The following MBTD1 variants were observed in gnomAD, a reference collection of about 807,000 sequenced individuals.
MBTD1 encodes the protein MBT domain-containing protein 1.
In MBTD1, 24 loss-of-function variants were observed where a neutral mutation model predicts 87.8. The observed-to-expected ratio is 0.27, with a 90% CI of 0.20 to 0.38. The LOEUF (loss-of-function observed/expected upper bound fraction) is 0.38. Among genes scored for constraint, MBTD1 ranks in the 10% least tolerant of loss-of-function variants. The pLI is 1.00. For synonymous variants in MBTD1, 237 were observed against 248.6 expected (o/e 0.95, Z 0.44); for missense variants, 436 against 760.2 (o/e 0.57, Z 5.02).
chr17:51,255,010 C>G (rs192431059), intron 2 of MBTD1, among the ~76,000 whole-genome samples: 1 of 152,278 alleles, frequency 6.6e-6, no homozygotes, highest in African/African-American at 2.4e-5. Context: ...GGGCCAGGCG[C>G]AGTGGCTCAC....
chr17:51,213,526 G>C (rs1419272021), intron 6 of MBTD1, among the ~76,000 whole-genome samples: 1 of 151,276 alleles, frequency 6.6e-6, no homozygotes, highest in African/African-American at 2.4e-5. Flanking sequence ...CTGCTCTTAG[G>C]GGCTTAATTA....
At position 51,178,916 on chromosome 17, in the gene MBTD1, A is replaced by G. The variant is rs549860918; in HGVS notation, c.*1660T>C. 1 of 152,284 alleles carries G rather than the reference A, an allele frequency of 6.6e-6. No homozygotes were observed. Among genetic ancestry groups the G allele is most frequent in the African/African-American group, 2.4e-5 (1 of 41,568 alleles). 9.4% of individuals were successfully genotyped at this position (152,284 alleles called of 1,614,324 possible). ...CTTCCAGTAGCTATTATAAAACCTT[A>G]TGTTATTAACCCCTCTTGCATAGAA... On this transcript the variant is annotated 3_prime_UTR_variant, in exon 17 of 17. Coordinates refer to ENST00000586178, the MANE Select transcript of MBTD1 (RefSeq NM_017643.3).
At chr17:51,256,008 G>A (rs2055067062) in intron 2 of MBTD1, among the ~76,000 whole-genome samples, 2 of 152,128 alleles carry the variant, frequency 1.3e-5, no homozygotes, top group African/African-American at 2.4e-5. Flanking sequence ...GACTGCAAAC[G>A]GTGGCCAAAT....
chr17:51,244,500 C>T (rs534781340), intron 2 of MBTD1, among the ~76,000 whole-genome samples: 4 of 152,072 alleles, frequency 2.6e-5, no homozygotes, highest in African/African-American at 7.2e-5. Context: ...CTCTGCCTCC[C>T]GGGTTCAAGT....
At chr17:51,184,060 T>C (rs184809704) in intron 16 of MBTD1, 3 of 152,380 alleles carry the variant, frequency 2.0e-5, no homozygotes, top group East Asian at 3.9e-4. Context: ...TTCTGGATTA[T>C]GCTTCTAGTC....
At chr17:51,195,117 A>T in intron 13 of MBTD1, 97 bp downstream of exon 13, 2 of 1,059,640 alleles carry the variant, frequency 1.9e-6, no homozygotes, top group Non-Finnish European at 2.8e-6. Flanking sequence ...TTATATACGT[A>T]CTCAGGAAAT....
chr17:51,192,312 A>G, intron 15 of MBTD1, 32 bp from the exon 16 acceptor site: 1 of 1,433,594 alleles, frequency 7.0e-7, no homozygotes, highest in Non-Finnish European at 9.6e-7. Context: ...TTGGTACTAG[A>G]TAATTGTTTA....
chr17:51,248,850 G>A (rs2054606002), intron 2 of MBTD1, among the ~76,000 whole-genome samples: 1 of 152,216 alleles, frequency 6.6e-6, no homozygotes, highest in South Asian at 2.1e-4. Context: ...AGACGGAAGT[G>A]CAATGTCCTT....
chr17:51,228,447 C>T (rs1388846544), intron 2 of MBTD1, among the ~76,000 whole-genome samples: 1 of 149,140 alleles, frequency 6.7e-6, no homozygotes, highest in Non-Finnish European at 1.5e-5. Flanking sequence ...TTAGTGAATG[C>T]TGGTCTTATG....
Position 51,187,532 on chromosome 17 carries a change from G to T in MBTD1, c.1768+4671C>A, listed in dbSNP as rs370222527. ...AACTCTGCAAATATTGAAGAACCAG[G>T]CATAGTGCATTAATCATATTGAAAG... On this transcript the variant is annotated intron_variant, in intron 16 of 16. Coordinates refer to ENST00000586178, the MANE Select transcript of MBTD1 (RefSeq NM_017643.3). Among the ~76,000 whole-genome samples the T allele has an allele frequency of 1.4e-4, 21 of 152,106 alleles. No homozygotes were observed. The South Asian group carries it at 4.4e-3, about 32-fold the overall frequency.
At chr17:51,192,640 T>G in intron 15 of MBTD1, 142 bp downstream of exon 15, 7 of 1,428,548 alleles carry the variant, frequency 4.9e-6, no homozygotes, top group Non-Finnish European at 6.6e-6. Context: ...ATATTGTTGT[T>G]GAGTCTTAAT....
At chr17:51,182,138 T>C (rs2050340725) in intron 16 of MBTD1, among the ~76,000 whole-genome samples, 1 of 151,802 alleles carries the variant, frequency 6.6e-6, no homozygotes, top group South Asian at 2.1e-4. Flanking sequence ...TTTTTTTTTT[T>C]TTTTGAGACA....
intron 2 of MBTD1, among the ~76,000 whole-genome samples, chr17:51,244,594 G>C (rs554164285): frequency 1.3e-5 from 2 of 152,234 alleles, no homozygotes; most frequent in South Asian, 4.1e-4. Flanking sequence ...TTTTAGTAGA[G>C]GCAGGGTTTC....
intron 2 of MBTD1, among the ~76,000 whole-genome samples, chr17:51,248,963 C>A (rs1046949810): frequency 6.6e-6 from 1 of 152,106 alleles, no homozygotes; most frequent in Non-Finnish European, 1.5e-5. Flanking sequence ...AAAGAACATA[C>A]TCTCTGGCCC....
intron 6 of MBTD1, among the ~76,000 whole-genome samples, chr17:51,212,829 T>C (rs1270218696): frequency 1.3e-5 from 2 of 152,190 alleles, no homozygotes; most frequent in African/African-American, 2.4e-5. Context: ...CAATCTCAGC[T>C]CACTGCAACC....
At chr17:51,216,075 G>T (rs1010968362) in intron 6 of MBTD1, among the ~76,000 whole-genome samples, 1 of 151,824 alleles carries the variant, frequency 6.6e-6, no homozygotes, top group Non-Finnish European at 1.5e-5. Context: ...GGGACTACAG[G>T]TGCCCACCAT....
At chr17:51,216,067 G>A (rs2052553243) in intron 6 of MBTD1, among the ~76,000 whole-genome samples, 1 of 151,784 alleles carries the variant, frequency 6.6e-6, no homozygotes, top group African/African-American at 2.4e-5. Context: ...GAGTAGCTGG[G>A]ACTACAGGTG....
intron 16 of MBTD1, among the ~76,000 whole-genome samples, chr17:51,187,535 T>C (rs1361389967): frequency 6.6e-6 from 1 of 151,874 alleles, no homozygotes; most frequent in Non-Finnish European, 1.5e-5. Flanking sequence ...GAACCAGGCA[T>C]AGTGCATTAA....
intron 13 of MBTD1, among the ~76,000 whole-genome samples, chr17:51,194,082 G>T (rs1245538511): frequency 2.0e-5 from 3 of 152,204 alleles, no homozygotes; most frequent in Admixed American, 6.5e-5. Flanking sequence ...CTAGGCTTTA[G>T]AAGAGTCTAG....
Sources: allele counts gnomAD v4.1 joint callset (sites outside exome capture counted in the v4.1 genomes callset), GRCh38; gene constraint gnomAD v4.1.1; transcripts MANE v1.5; gene names NCBI Gene and HGNC (gene_info 2026-07-23, HGNC 2026-07-21).